Variants in PHKA2 observed in about 807,000 individuals in gnomAD.
The protein encoded by PHKA2 is phosphorylase kinase regulatory subunit alpha 2, also known as phosphorylase b kinase regulatory subunit alpha, liver isoform.
In PHKA2, 31 loss-of-function variants were observed where a neutral mutation model predicts 102.0. The observed-to-expected ratio is 0.30, with a 90% CI of 0.23 to 0.41. The LOEUF is 0.41. Ranked by LOEUF, PHKA2 falls within the 10% of genes least tolerant of loss-of-function variation. The pLI is 1.00. For synonymous variants in PHKA2, 455 were observed against 416.2 expected (o/e 1.09, Z -1.13); for missense variants, 858 against 1,023.1 (o/e 0.84, Z 2.20).
intron 29 of PHKA2, chrX:18,897,815 G>A (rs2047602541): frequency 7.6e-6 from 1 of 130,985 alleles, no homozygotes; most frequent in African/African-American, 3.1e-5. Context: ...AGAAGCCCCT[G>A]AGGCATACCT....
intron 5 of PHKA2, among the ~76,000 whole-genome samples, chrX:18,947,391 A>G (rs374631312): frequency 1.8e-5 from 2 of 111,980 alleles, no homozygotes; most frequent in East Asian, 5.6e-4. Flanking sequence ...AACCAGACAG[A>G]AGCTCGGAGG....
At chrX:18,906,182 T>TG (rs1054866929) in intron 25 of PHKA2, among the ~76,000 whole-genome samples, 1 of 112,072 alleles carries the variant, frequency 8.9e-6, no homozygotes, top group Non-Finnish European at 1.9e-5. Context: ...AAAATGGGGG[T>TG]GACATCTCAT....
intron 4 of PHKA2, 51 bp from the exon 5 acceptor site, chrX:18,948,877 A>G: frequency 1.2e-6 from 1 of 809,873 alleles, no homozygotes. Flanking sequence ...GAGAGCTGCC[A>G]GTCACAAATT....
chrX:18,914,685 G>A (rs757518498), intron 19 of PHKA2, among the ~76,000 whole-genome samples: 21 of 112,467 alleles, frequency 1.9e-4, no homozygotes, highest in African/African-American at 6.5e-4. Context: ...CTCGAAGAGA[G>A]AGGGGCTGCT....
At chrX:18,979,161 C>T (rs1386166735) in intron 1 of PHKA2, among the ~76,000 whole-genome samples, 1 of 111,057 alleles carries the variant, frequency 9.0e-6, no homozygotes, top group Non-Finnish European at 1.9e-5. Flanking sequence ...ACAAACAAAA[C>T]AAAAAAACAC....
intron 12 of PHKA2, among the ~76,000 whole-genome samples, 178 bp from the exon 13 acceptor site, chrX:18,929,484 G>A (rs1301569331): frequency 8.9e-6 from 1 of 112,361 alleles, no homozygotes; most frequent in Admixed American, 9.4e-5. Flanking sequence ...AACTGCCACT[G>A]ATAAACGTAT....
chrX:18,904,267 G>A (rs988100097), intron 26 of PHKA2, among the ~76,000 whole-genome samples: 4 of 111,950 alleles, frequency 3.6e-5, no homozygotes, highest in Non-Finnish European at 5.6e-5. Context: ...GCTGTCTGGG[G>A]TGGGTGTTCG....
In PHKA2 at chrX:18,926,550, T is replaced by G. The variant is rs1224241332; in HGVS notation, c.1362A>C (p.Leu454Phe). The G allele has an allele frequency of 8.3e-7, 1 of 1,207,652 alleles. No individual in the cohort carries two copies. Among genetic ancestry groups the G allele is most frequent in the African/African-American group, 1.7e-5 (1 of 57,854 alleles). The change falls in exon 14 of 33, where the codon TTA becomes TTC. Residue 454 changes from leucine to phenylalanine, a missense_variant. Physicochemically the swap from Leu to Phe is conservative, Grantham distance 22. Transcript: ENST00000379942. ...GGACGTTCACCCCGTGTTTCCTCAA[T>G]AAGTCCTTAATGTGATTGTTTTCTG... ...VLAENNHIKD[L>F]LRKHGVNVQS... is the part of the protein sequence containing the mutation.
rs2047873666 is a variant in PHKA2 at position 18,908,892 on chromosome X, C to A, written c.2269G>T (p.Asp757Tyr). ...TCAACCAGCTTCTCACAGTCCACGTCACCATGGTCATCTCTGGGCCACTGA... is the reference window on the plus strand; with the variant it reads ...TCAACCAGCTTCTCACAGTCCACGTAACCATGGTCATCTCTGGGCCACTGA... Reference protein sequence around the residue: ...DFQWPRDDHGDVDCEKLVEQL... With the variant: ...DFQWPRDDHGYVDCEKLVEQL... Residue 757 changes from aspartate to tyrosine, a missense_variant, in exon 21 of 33, where the codon GAC (aspartate) becomes TAC (tyrosine). Coordinates refer to ENST00000379942, the MANE Select transcript of PHKA2 (RefSeq NM_000292.3). 1 of 1,207,495 alleles carries A rather than the reference C, an allele frequency of 8.3e-7. No homozygotes were observed. Among genetic ancestry groups the A allele is most frequent in the African/African-American group, 1.8e-5 (1 of 57,098 alleles).
At chrX:18,950,896 G>T (rs936379263) in intron 4 of PHKA2, among the ~76,000 whole-genome samples, 2 of 112,490 alleles carry the variant, frequency 1.8e-5, no homozygotes, top group Non-Finnish European at 3.8e-5. Flanking sequence ...GGACAACTGA[G>T]CCTGGTAGTG....
At chrX:18,937,767 T>C (rs1339451146) in intron 10 of PHKA2, among the ~76,000 whole-genome samples, 1 of 111,948 alleles carries the variant, frequency 8.9e-6, no homozygotes, top group Non-Finnish European at 1.9e-5. Context: ...TGAAGTGGTT[T>C]TCAAGCAAGC....
At chrX:18,923,047 C>CTTTTTTT (rs775796728) in intron 17 of PHKA2, among the ~76,000 whole-genome samples, 1 of 82,534 alleles carries the variant, frequency 1.2e-5, no homozygotes, top group African/African-American at 4.9e-5. Context: ...TGAGATTCTC[C>CTTTTTTT]TTTTTTTTTT....
chrX:18,943,009 G>A (rs975306659), intron 7 of PHKA2, among the ~76,000 whole-genome samples: 20 of 111,091 alleles, frequency 1.8e-4, no homozygotes, highest in African/African-American at 6.5e-4. Context: ...GCCCTGTTCT[G>A]TAACTCACTC....
intron 11 of PHKA2, among the ~76,000 whole-genome samples, chrX:18,934,348 C>G (rs906952028): frequency 8.9e-6 from 1 of 111,927 alleles, no homozygotes; most frequent in African/African-American, 3.3e-5. Flanking sequence ...GGCCCTTAAC[C>G]CTGGAACAAA....
chrX:18,969,733 A>G (rs2048995346), intron 1 of PHKA2, among the ~76,000 whole-genome samples: 1 of 111,391 alleles, frequency 9.0e-6, no homozygotes, highest in African/African-American at 3.3e-5. Context: ...ACCTTCGGGG[A>G]TCTGGGGATC....
chrX:18,958,362 A>T (rs866037060), intron 1 of PHKA2, among the ~76,000 whole-genome samples: 9 of 110,872 alleles, frequency 8.1e-5, no homozygotes, highest in East Asian at 2.8e-4. Context: ...ATTTTTTTTT[A>T]AATTTGGCAA....
chrX:18,954,827 G>A (rs1460849192), intron 1 of PHKA2, among the ~76,000 whole-genome samples: 5 of 112,305 alleles, frequency 4.5e-5, no homozygotes. Flanking sequence ...GAACCTGTGA[G>A]CAAGAAACCT....
At chrX:18,937,705 G>A (rs1172411245) in intron 10 of PHKA2, among the ~76,000 whole-genome samples, 1 of 112,086 alleles carries the variant, frequency 8.9e-6, no homozygotes, top group African/African-American at 3.2e-5. Context: ...TAAGAAATGA[G>A]GCTACAGGGG....
At chrX:18,917,443 C>T (rs1184198633) in intron 19 of PHKA2, among the ~76,000 whole-genome samples, 2 of 108,845 alleles carry the variant, frequency 1.8e-5, no homozygotes, top group Non-Finnish European at 3.8e-5. Flanking sequence ...ATTTTTAGTA[C>T]AGACAGCGTT....
Sources: allele counts gnomAD v4.1 joint callset (sites outside exome capture counted in the v4.1 genomes callset), GRCh38; gene constraint gnomAD v4.1.1; transcripts MANE v1.5; gene names NCBI Gene and HGNC (gene_info 2026-07-23, HGNC 2026-07-21).